STXBP5L: variants seen among roughly 807,000 people sequenced by gnomAD.
STXBP5L encodes the protein syntaxin binding protein 5L, also known as syntaxin-binding protein 5-like.
Under a neutral mutation model 144.5 loss-of-function variants are expected in STXBP5L, and 65 were observed. The ratio of observed to expected loss-of-function variants is 0.45; its 90% confidence interval spans 0.37 to 0.55. The LOEUF is 0.55. Among genes scored for constraint, STXBP5L ranks in the 20% least tolerant of loss-of-function variants. The probability of loss-of-function intolerance (pLI) is 0.00; values close to 1 mark genes in which losing one functional copy is unlikely to be tolerated. For missense variants in STXBP5L, 1,298 were observed against 1,405.5 expected (o/e 0.92, Z 1.22); for synonymous variants, 505 against 469.6 (o/e 1.08, Z -0.97).
chr3:121,189,076 A>G (rs1332721470), intron 9 of STXBP5L, among the ~76,000 whole-genome samples: 1 of 152,188 alleles, frequency 6.6e-6, no homozygotes, highest in Admixed American at 6.5e-5. Flanking sequence ...GTCTTCACCC[A>G]TAATCTCCTT....
At chr3:121,042,272 T>C (rs1576752720) in intron 4 of STXBP5L, among the ~76,000 whole-genome samples, 1 of 152,212 alleles carries the variant, frequency 6.6e-6, no homozygotes, top group African/African-American at 2.4e-5. Flanking sequence ...GTAGTTATTA[T>C]GGAAATTAGC....
chr3:121,233,080 T>C (rs891005647), intron 11 of STXBP5L, among the ~76,000 whole-genome samples: 1 of 152,216 alleles, frequency 6.6e-6, no homozygotes, highest in African/African-American at 2.4e-5. Flanking sequence ...AGAGCTTTGT[T>C]ATGTAAAAGT....
At chr3:120,990,971 C>T (rs1338951537) in intron 3 of STXBP5L, among the ~76,000 whole-genome samples, 90 of 152,150 alleles carry the variant, frequency 5.9e-4, no homozygotes, top group Middle Eastern at 3.4e-3. Context: ...AAAGCCAAAA[C>T]TGACAAATGG....
At chr3:121,347,467 A>C (rs1207284438) in intron 20 of STXBP5L, among the ~76,000 whole-genome samples, 1 of 152,096 alleles carries the variant, frequency 6.6e-6, no homozygotes, top group Non-Finnish European at 1.5e-5. Flanking sequence ...TATGAACTTT[A>C]AAGTAGTTTT....
intron 2 of STXBP5L, among the ~76,000 whole-genome samples, chr3:120,950,723 T>G (rs1711164289): frequency 1.3e-5 from 2 of 152,200 alleles, no homozygotes; most frequent in South Asian, 4.1e-4. Flanking sequence ...AAAATGGCCA[T>G]ACTGCCCAAA....
At chr3:120,951,698 CTGT>C (rs1242751129) in intron 2 of STXBP5L, among the ~76,000 whole-genome samples, 2 of 151,840 alleles carry the variant, frequency 1.3e-5, no homozygotes, top group East Asian at 1.9e-4. Context: ...CACTTTTACA[CTGT>C]TGTTGGGACT....
chr3:120,945,645 T>C (rs1559895207), intron 2 of STXBP5L, among the ~76,000 whole-genome samples: 1 of 151,748 alleles, frequency 6.6e-6, no homozygotes, highest in Non-Finnish European at 1.5e-5. Context: ...CATGTATGCA[T>C]CTGAAGAGGC....
chr3:121,205,864 TAATTCTTACA>T, intron 9 of STXBP5L, 49 bp from the exon 10 acceptor site: 2 of 912,222 alleles, frequency 2.2e-6, no homozygotes, highest in Non-Finnish European at 3.2e-6. Context: ...TCAAATTTTT[TAATTCTTACA>T]GATGAATATA....
At chr3:121,373,989 T>A (rs1195034608) in intron 20 of STXBP5L, among the ~76,000 whole-genome samples, 2 of 152,048 alleles carry the variant, frequency 1.3e-5, no homozygotes, top group Non-Finnish European at 2.9e-5. Flanking sequence ...ACCAGCCTAC[T>A]CAGGGCCCAT....
chr3:121,057,532 A>G (rs886321807), intron 5 of STXBP5L, among the ~76,000 whole-genome samples: 2 of 151,974 alleles, frequency 1.3e-5, no homozygotes, highest in Non-Finnish European at 2.9e-5. Flanking sequence ...AACTCTATAG[A>G]TTAATTTTGC....
chr3:121,037,279 A>T (rs1232431429), intron 3 of STXBP5L, among the ~76,000 whole-genome samples: 1 of 143,620 alleles, frequency 7.0e-6, no homozygotes, highest in Admixed American at 7.1e-5. Context: ...GAAAGGCTCT[A>T]CTCTGTCATC....
chr3:121,257,048 A>G (rs2050229028), intron 16 of STXBP5L, 113 bp from the exon 17 acceptor site: 2 of 795,122 alleles, frequency 2.5e-6, no homozygotes, highest in Non-Finnish European at 3.8e-6. Flanking sequence ...TGTGTGAATG[A>G]TTCCTAAAAA....
intron 5 of STXBP5L, among the ~76,000 whole-genome samples, chr3:121,051,239 T>C (rs1267006635): frequency 3.9e-5 from 6 of 152,174 alleles, no homozygotes; most frequent in Admixed American, 2.6e-4. Flanking sequence ...GCAGACCTAA[T>C]AGACATCTAC....
intron 5 of STXBP5L, among the ~76,000 whole-genome samples, chr3:121,050,577 G>A (rs1947892736): frequency 6.6e-6 from 1 of 152,062 alleles, no homozygotes; most frequent in Admixed American, 6.6e-5. Flanking sequence ...AAGAGCTCCT[G>A]AAGGAAGCAC....
At chr3:121,305,583 A>G (rs923613017) in intron 19 of STXBP5L, among the ~76,000 whole-genome samples, 1 of 152,192 alleles carries the variant, frequency 6.6e-6, no homozygotes, top group Admixed American at 6.5e-5. Flanking sequence ...ATGTGAAAAC[A>G]TTTGATAAAA....
chr3:121,316,218 TA>T (rs2043783865), intron 19 of STXBP5L, among the ~76,000 whole-genome samples: 1 of 152,194 alleles, frequency 6.6e-6, no homozygotes, highest in African/African-American at 2.4e-5. Flanking sequence ...TGACACGTTG[TA>T]AATTGGCACA....
intron 7 of STXBP5L, among the ~76,000 whole-genome samples, chr3:121,123,670 A>T (rs964696788): frequency 2.0e-5 from 3 of 151,744 alleles, no homozygotes; most frequent in African/African-American, 7.2e-5. Flanking sequence ...TGTTGTTCAA[A>T]TTTTTATGAA....
chr3:121,218,984 T>C (rs13064667), intron 10 of STXBP5L, among the ~76,000 whole-genome samples: 134 of 152,260 alleles, frequency 8.8e-4, no homozygotes, highest in Non-Finnish European at 1.8e-3. Flanking sequence ...GACATCATTA[T>C]TTCATGTAGT....
chr3:121,381,404 A>G lies in STXBP5L; in HGVS notation c.2459A>G (p.Lys820Arg), dbSNP rs779721572. Residue 820 changes from lysine (K) to arginine (R), a missense_variant, in exon 22 of 27, where the codon AAA becomes AGA. By Grantham distance (26) the Lys-to-Arg change is conservative. Transcript: ENST00000471454. ...TACTTCATGGACTCCTTTGCACGGA[A>G]AAATGACTCTACCATCTCTCCTTGT... is the stretch of plus-strand genomic sequence containing the variant. ...ALYFMDSFAR[K>R]NDSTISPCLF... 3.1e-6 allele frequency: 5 copies of G among 1,610,948 alleles called. No individual in the cohort carries two copies. The Admixed American group carries it at 6.8e-5, about 22-fold the overall frequency.
Sources: gnomAD v4.1 joint callset for allele counts (sites outside exome capture counted in the v4.1 genomes callset) on GRCh38, gnomAD v4.1.1 for gene constraint, MANE v1.5 for transcripts, NCBI Gene and HGNC (gene_info 2026-07-23, HGNC 2026-07-21) for gene names.